AGO3: variants seen among roughly 807,000 people sequenced by gnomAD.
AGO3 encodes the protein argonaute RISC catalytic component 3, also known as protein argonaute-3.
AGO3 carries 16 observed loss-of-function variants against 105.5 expected under a neutral mutation model. The ratio of observed to expected loss-of-function variants is 0.15; its 90% CI spans 0.10 to 0.23. The LOEUF (loss-of-function observed/expected upper bound fraction) is 0.23, where lower values mean the gene tolerates loss of function less well. AGO3 is among the 10% of genes least tolerant of loss of function. The probability of loss-of-function intolerance (pLI) is 1.00; values close to 1 mark genes in which losing one functional copy is unlikely to be tolerated. For missense variants in AGO3, 534 were observed against 1,088.0 expected (o/e 0.49, Z 7.16); for synonymous variants, 340 against 367.3 (o/e 0.93, Z 0.85).
At chr1:35,943,961 T>G (rs1434944655) in intron 1 of AGO3, among the ~76,000 whole-genome samples, 2 of 152,178 alleles carry the variant, frequency 1.3e-5, no homozygotes, top group African/African-American at 4.8e-5. Flanking sequence ...TGTGTCAGAA[T>G]TTCTTTTTTA....
chr1:35,943,586 C>T (rs2148747307), intron 1 of AGO3, among the ~76,000 whole-genome samples: 1 of 149,548 alleles, frequency 6.7e-6, no homozygotes, highest in South Asian at 2.1e-4. Context: ...CAGGTGTGAG[C>T]CACCACCCCC....
At chr1:35,992,063 C>T (rs1469946480) in intron 5 of AGO3, 2 of 152,196 alleles carry the variant, frequency 1.3e-5, no homozygotes, top group African/African-American at 4.8e-5. Flanking sequence ...GGTCTCTTCT[C>T]TTGGCTGGTC....
chr1:36,031,599 G>T (rs975154679), intron 12 of AGO3, among the ~76,000 whole-genome samples: 3 of 151,724 alleles, frequency 2.0e-5, no homozygotes, highest in Non-Finnish European at 4.4e-5. Flanking sequence ...ACATTCACAT[G>T]TTGTGCAGCC....
chr1:35,931,196 C>G lies in AGO3; in HGVS notation c.-231C>G, dbSNP rs1646038247. On this transcript the variant is annotated 5_prime_UTR_variant, in exon 1 of 19. Transcript: ENST00000373191. ...ACTTCCGGACGGGACTCCCCTCTGT[C>G]CGCGCCTCACATCTCCCCTTCCTCT... The G allele has an allele frequency of 2.5e-6, 1 of 402,464 alleles. No homozygotes were observed. The highest frequency in any genetic ancestry group is 4.4e-6 in the Non-Finnish European group (1 of 227,468). 24.9% of individuals were successfully genotyped at this position (402,464 alleles called of 1,614,324 possible). A position where few individuals can be genotyped will look rare whatever the true frequency, so the allele number is the denominator to read the frequency against.
At chr1:36,035,755 G>T (rs1252085441) in intron 13 of AGO3, among the ~76,000 whole-genome samples, 1 of 152,116 alleles carries the variant, frequency 6.6e-6, no homozygotes, top group African/African-American at 2.4e-5. Context: ...TGGATTGGCC[G>T]GGTGCGGTGG....
intron 2 of AGO3, among the ~76,000 whole-genome samples, chr1:35,962,393 A>AT (rs1338824720): frequency 6.6e-6 from 1 of 152,048 alleles, no homozygotes; most frequent in Non-Finnish European, 1.5e-5. Flanking sequence ...AATACAAAAA[A>AT]TTAGCCAGGC....
At chr1:36,040,214 TA>T in intron 15 of AGO3, 92 bp from the exon 16 acceptor site, 4 of 1,398,878 alleles carry the variant, frequency 2.9e-6, no homozygotes, top group Non-Finnish European at 2.9e-6. Flanking sequence ...GTGGTGAAAT[TA>T]AGGAATCCTG....
intron 12 of AGO3, among the ~76,000 whole-genome samples, chr1:36,029,537 A>G (rs1247558443): frequency 6.7e-6 from 1 of 149,976 alleles, no homozygotes; most frequent in African/African-American, 2.5e-5. Context: ...TGGGACTACA[A>G]GCACCTGCCA....
At chr1:35,932,626 T>C (rs1646074277) in intron 1 of AGO3, among the ~76,000 whole-genome samples, 2 of 152,144 alleles carry the variant, frequency 1.3e-5, no homozygotes, top group South Asian at 2.1e-4. Flanking sequence ...CATATCTCTT[T>C]TTCCTGCTCC....
At position 36,059,335 on chromosome 1, in the gene AGO3, G is replaced by A. The variant is rs529164651; in HGVS notation, c.*3590G>A. ...TAAGATAAAAGGCTAAGTGACAAATGCTTCTTGAAATTTGTCCTATTTATT... is the reference window on the plus strand; with the variant it reads ...TAAGATAAAAGGCTAAGTGACAAATACTTCTTGAAATTTGTCCTATTTATT... On this transcript the variant is annotated 3_prime_UTR_variant, in exon 19 of 19. Transcript: ENST00000373191. The A allele has an allele frequency of 2.0e-4, 31 of 151,808 alleles. 1 individual carries two copies. The highest frequency in any genetic ancestry group is 7.0e-4 in the African/African-American group (29 of 41,424). 9.4% of individuals were successfully genotyped at this position (151,808 alleles called of 1,614,324 possible).
At chr1:35,999,021 A>G (rs1225458592) in intron 5 of AGO3, among the ~76,000 whole-genome samples, 1 of 152,178 alleles carries the variant, frequency 6.6e-6, no homozygotes, top group African/African-American at 2.4e-5. Flanking sequence ...GAATAGGATT[A>G]TAACAAATCT....
intron 2 of AGO3, among the ~76,000 whole-genome samples, chr1:35,955,114 G>A (rs72661632): frequency 0.047 from 7,216 of 152,256 alleles, 259 homozygotes; most frequent in South Asian, 0.083. Context: ...TCTGAAATCC[G>A]TGCTAAGGCT....
chr1:36,053,414 G>A (rs1642797989), intron 17 of AGO3, among the ~76,000 whole-genome samples: 1 of 151,866 alleles, frequency 6.6e-6, no homozygotes, highest in Admixed American at 6.6e-5. Context: ...CCAAGTAGCT[G>A]GACTACAGGC....
At chr1:35,972,272 C>T (rs1468552416) in intron 4 of AGO3, 40 bp downstream of exon 4, 2 of 1,592,932 alleles carry the variant, frequency 1.3e-6, no homozygotes, top group Non-Finnish European at 1.7e-6. Flanking sequence ...ATTTTAAACT[C>T]CCAAGAATGA....
chr1:36,052,243 A>G (rs1390096886), intron 17 of AGO3, among the ~76,000 whole-genome samples: 1 of 152,238 alleles, frequency 6.6e-6, no homozygotes, highest in Non-Finnish European at 1.5e-5. Flanking sequence ...AAAAAGAATG[A>G]AATTCTGTCA....
In AGO3 at chr1:36,036,235, G is replaced by A. The variant is rs1642002593; in HGVS notation, c.1810G>A (p.Ala604Thr). 6.2e-7 allele frequency: 1 copy of A among 1,613,954 alleles called. No individual in the cohort carries two copies. Among genetic ancestry groups the A allele is most frequent in the Admixed American group, 1.7e-5 (1 of 59,992 alleles). Residue 604 changes from alanine (A) to threonine (T), a missense_variant, in exon 14 of 19, where the codon GCT becomes ACT. Physicochemically the swap from Ala to Thr is moderately conservative, Grantham distance 58. Transcript: ENST00000373191. ...FLGADVTHPP[A>T]GDGKKPSIAA... ...GGGAGCCGATGTCACTCATCCACCT[G>A]CTGGTGATGGAAAGAAGCCTTCTAT...
At chr1:35,942,057 G>GC (rs1405632047) in intron 1 of AGO3, among the ~76,000 whole-genome samples, 2 of 152,172 alleles carry the variant, frequency 1.3e-5, no homozygotes, top group Non-Finnish European at 2.9e-5. Context: ...AATTGGCAGA[G>GC]CCAGTACTAA....
intron 11 of AGO3, among the ~76,000 whole-genome samples, chr1:36,018,491 G>T (rs910952821): frequency 6.6e-6 from 1 of 151,868 alleles, no homozygotes; most frequent in South Asian, 2.1e-4. Flanking sequence ...CTGTCACCAG[G>T]CTGTGATCTT....
upstream of AGO3, chr1:35,931,047 C>T (rs1044589886): frequency 2.6e-6 from 1 of 381,110 alleles, no homozygotes; most frequent in East Asian, 3.8e-5. Context: ...GAGGCGAGGA[C>T]GCCGGGCAAG....
Sources: allele counts gnomAD v4.1 joint callset (sites outside exome capture counted in the v4.1 genomes callset), GRCh38; gene constraint gnomAD v4.1.1; transcripts MANE v1.5; gene names NCBI Gene and HGNC (gene_info 2026-07-23, HGNC 2026-07-21).